The following OSBP2 variants were observed in gnomAD, a reference collection of about 807,000 sequenced individuals.
OSBP2 encodes oxysterol-binding protein 2.
Under a neutral mutation model 96.0 loss-of-function variants are expected in OSBP2, and 66 were observed. That is an observed-to-expected ratio of 0.69 (90% CI 0.56 to 0.84). The LOEUF (loss-of-function observed/expected upper bound fraction) is 0.84, where lower values mean the gene tolerates loss of function less well. Ranked by LOEUF, OSBP2 falls within the 40% of genes least tolerant of loss-of-function variation. OSBP2 has a pLI of 0.00. For missense variants in OSBP2, 1,038 were observed against 1,222.7 expected, an observed-to-expected ratio of 0.85 and a Z score of 2.25; for synonymous variants, 525 against 520.9, an observed-to-expected ratio of 1.01 and a Z score of -0.11.
intron 2 of OSBP2, among the ~76,000 whole-genome samples, chr22:30,761,146 C>G (rs2090200232): frequency 6.6e-6 from 1 of 152,110 alleles, no homozygotes; most frequent in South Asian, 2.1e-4. Flanking sequence ...CAAAGGCACT[C>G]AGATTGGGAA....
At chr22:30,706,950 C>A (rs1202159258) in intron 1 of OSBP2, among the ~76,000 whole-genome samples, 2 of 152,162 alleles carry the variant, frequency 1.3e-5, no homozygotes, top group Admixed American at 6.6e-5. Context: ...TTTGGCCATG[C>A]ACCCCATCAG....
chr22:30,880,155 C>T (rs189556976), intron 3 of OSBP2, among the ~76,000 whole-genome samples: 43 of 152,326 alleles, frequency 2.8e-4, no homozygotes, highest in South Asian at 2.5e-3. Flanking sequence ...TTCAGGGAGA[C>T]CCTGACTCTC....
chr22:30,856,373 CTTTTTTTTTTTTT>C (rs56875088), intron 2 of OSBP2, among the ~76,000 whole-genome samples: 34 of 101,428 alleles, frequency 3.4e-4, no homozygotes, highest in African/African-American at 1.2e-3. Flanking sequence ...CAGAGCCCTT[CTTTTTTTTTTTTT>C]TTTTTTTTTT....
intron 2 of OSBP2, among the ~76,000 whole-genome samples, chr22:30,847,088 C>T (rs1178283931): frequency 1.3e-5 from 2 of 151,202 alleles, no homozygotes; most frequent in Admixed American, 6.6e-5. Flanking sequence ...AATGATCCTC[C>T]TGCCTCAGCC....
intron 2 of OSBP2, among the ~76,000 whole-genome samples, chr22:30,840,951 G>C (rs1351565538): frequency 1.3e-5 from 2 of 151,994 alleles, no homozygotes; most frequent in East Asian, 1.9e-4. Context: ...GATCACTTGA[G>C]GTCAGGAGTT....
At chr22:30,867,284 C>T (rs747264700) in intron 2 of OSBP2, among the ~76,000 whole-genome samples, 1 of 152,182 alleles carries the variant, frequency 6.6e-6, no homozygotes, top group Non-Finnish European at 1.5e-5. Context: ...TGCCAGAGGA[C>T]AAAGAGCCAG....
intron 2 of OSBP2, among the ~76,000 whole-genome samples, chr22:30,842,147 G>A (rs1485485432): frequency 2.6e-5 from 4 of 151,884 alleles, no homozygotes; most frequent in South Asian, 2.1e-4. Context: ...GAGTTTTATC[G>A]TGTCACCCAG....
chr22:30,747,006 G>C (rs553870568), intron 2 of OSBP2, among the ~76,000 whole-genome samples: 6 of 152,186 alleles, frequency 3.9e-5, no homozygotes, highest in Non-Finnish European at 7.3e-5. Context: ...TGGAAGGGTA[G>C]TTCAACAACA....
chr22:30,805,022 ATAT>A (rs2090908644), intron 2 of OSBP2, among the ~76,000 whole-genome samples: 1 of 152,236 alleles, frequency 6.6e-6, no homozygotes, highest in Non-Finnish European at 1.5e-5. Flanking sequence ...CTATCTATAT[ATAT>A]TTTAACCCAT....
intron 3 of OSBP2, among the ~76,000 whole-genome samples, chr22:30,885,343 A>C (rs894427490): frequency 6.6e-6 from 1 of 152,126 alleles, no homozygotes; most frequent in Non-Finnish European, 1.5e-5. Flanking sequence ...GCAAATCCAG[A>C]GGTTCCTAGA....
intron 3 of OSBP2, 58 bp from the exon 4 acceptor site, chr22:30,887,368 T>C (rs1363198621): frequency 2.0e-6 from 3 of 1,492,778 alleles, no homozygotes; most frequent in Non-Finnish European, 2.8e-6. Context: ...CACATGCCTC[T>C]GACAGATGGG....
rs182687106 is a variant in OSBP2 at position 30,843,001 on chromosome 22, C to T, written c.854-27428C>T. 5.6e-4 allele frequency among the ~76,000 whole-genome samples: 86 copies of T among 152,224 alleles called. No homozygotes were observed. The East Asian group carries it at 0.013, about 24-fold the overall frequency. ...GTTTCACCACGTTGGCCAGGCTGGT[C>T]TCAAACTCCTTACCTCAAGTGATCC... On this transcript the variant is annotated intron_variant, in intron 2 of 13. Transcript: ENST00000332585.
chr22:30,875,806 G>C (rs1208812358), intron 3 of OSBP2, among the ~76,000 whole-genome samples: 1 of 152,234 alleles, frequency 6.6e-6, no homozygotes, highest in East Asian at 1.9e-4. Context: ...CACACAGCTA[G>C]GAAAGCCCTG....
At position 30,871,354 on chromosome 22, in the gene OSBP2, T is replaced by C. The variant is rs1306648815; in HGVS notation, c.1107+672T>C. The stretch of plus-strand genomic sequence containing the variant: ...GTAGGAGGATAGTGCTTGGCCCTGC[T>C]TCCCTCTTTCTGTCTGGGGAGTGTT... On this transcript the variant is annotated intron_variant, in intron 3 of 13. Transcript: ENST00000332585. This position sits in a 1 kb window ranked among gnomAD's most constrained non-coding sequence, Gnocchi z 4.7. Among the ~76,000 whole-genome samples the C allele has an allele frequency of 1.3e-5, 2 of 152,048 alleles. No homozygotes were observed. Among genetic ancestry groups the C allele is most frequent in the African/African-American group, 4.8e-5 (2 of 41,404 alleles).
intron 2 of OSBP2, chr22:30,803,072 CGCGGCGGCGGGAAGGCG>C: frequency 4.9e-6 from 1 of 204,718 alleles, no homozygotes. Context: ...GGACTGAGAG[CGCGGCGGCGGGAAGGCG>C]GCGGCGGCGG....
intron 2 of OSBP2, among the ~76,000 whole-genome samples, chr22:30,818,848 A>G (rs753939322): frequency 2.0e-5 from 3 of 152,210 alleles, no homozygotes; most frequent in Non-Finnish European, 2.9e-5. Flanking sequence ...AGGAAAGCAA[A>G]GAGTTCAAAG....
chr22:30,832,838 A>G (rs2038555852), intron 2 of OSBP2, among the ~76,000 whole-genome samples: 1 of 152,190 alleles, frequency 6.6e-6, no homozygotes, highest in South Asian at 2.1e-4. Context: ...GGCGCACTGC[A>G]GGGGAGCTGG....
chr22:30,780,888 G>C (rs1287791354), intron 2 of OSBP2, among the ~76,000 whole-genome samples: 2 of 152,200 alleles, frequency 1.3e-5, no homozygotes, highest in African/African-American at 4.8e-5. Flanking sequence ...ACCTCCAGTG[G>C]GGTGACCAGG....
chr22:30,787,438 C>T (rs1410165123), intron 2 of OSBP2, among the ~76,000 whole-genome samples: 1 of 151,882 alleles, frequency 6.6e-6, no homozygotes, highest in Non-Finnish European at 1.5e-5. Context: ...TTTGGGAGGC[C>T]GAGGCAGGTG....
Sources: allele counts gnomAD v4.1 joint callset (sites outside exome capture counted in the v4.1 genomes callset), GRCh38; gene constraint gnomAD v4.1.1; non-coding constraint Gnocchi (gnomAD v3.1); transcripts MANE v1.5; gene names NCBI Gene and HGNC (gene_info 2026-07-23, HGNC 2026-07-21).